Variants in RPS6KC1 observed in about 807,000 individuals in gnomAD.
The protein encoded by RPS6KC1 is inactive ribosomal protein S6 kinase delta-1.
Under a neutral mutation model 103.8 loss-of-function variants are expected in RPS6KC1, and 54 were observed. The ratio of observed to expected loss-of-function variants is 0.52; its 90% CI spans 0.42 to 0.65. RPS6KC1 has a LOEUF of 0.65. Ranked by LOEUF, RPS6KC1 falls within the 30% of genes least tolerant of loss-of-function variation. RPS6KC1 has a pLI of 0.00. For synonymous variants in RPS6KC1, 439 were observed against 438.7 expected (o/e 1.00, Z -0.01); for missense variants, 1,151 against 1,253.8 (o/e 0.92, Z 1.24).
At chr1:213,562,767 G>A in the RPS6KC1 span, among the ~76,000 whole-genome samples, 338 of 152,192 alleles carry the variant, frequency 2.2e-3, 2 homozygotes, top group African/African-American at 7.8e-3. Context: ...GGGCACAGGC[G>A]ATCCTCCCAC....
At chr1:213,233,523 G>T (rs1407900089) in intron 10 of RPS6KC1, among the ~76,000 whole-genome samples, 1 of 152,100 alleles carries the variant, frequency 6.6e-6, no homozygotes, top group Non-Finnish European at 1.5e-5. Context: ...ACCCAGTGTG[G>T]ATTATTCATG....
chr1:213,095,376 T>G lies in RPS6KC1; in HGVS notation c.263-9078T>G, dbSNP rs534733643. ...TTTAGTTCCATGAACTAGCTTTTGATGACTAACATGCATTTTAAAAAAGTT... is the reference window on the plus strand; with the variant it reads ...TTTAGTTCCATGAACTAGCTTTTGAGGACTAACATGCATTTTAAAAAAGTT... On this transcript the variant is annotated intron_variant, in intron 3 of 14. Coordinates refer to ENST00000366960, the MANE Select transcript of RPS6KC1 (RefSeq NM_012424.6). 3.3e-5 allele frequency among the ~76,000 whole-genome samples: 5 copies of G among 152,362 alleles called. No homozygotes were observed. The South Asian group carries it at 1.0e-3, about 32-fold the overall frequency.
the RPS6KC1 span, among the ~76,000 whole-genome samples, chr1:213,715,678 A>G: frequency 2.6e-5 from 4 of 152,234 alleles, no homozygotes; most frequent in African/African-American, 9.6e-5. Context: ...TTTTTCTCAA[A>G]TTGTTCAAAA....
the RPS6KC1 span, among the ~76,000 whole-genome samples, chr1:213,833,606 G>C: frequency 6.6e-6 from 1 of 152,126 alleles, no homozygotes; most frequent in Non-Finnish European, 1.5e-5. Flanking sequence ...GAGGGTCTTT[G>C]TATTTCAGAG....
At chr1:213,676,601 T>C in the RPS6KC1 span, among the ~76,000 whole-genome samples, 7 of 152,196 alleles carry the variant, frequency 4.6e-5, no homozygotes, top group Admixed American at 2.0e-4. Context: ...GTACCCTCAG[T>C]CAGCTGTTCA....
the RPS6KC1 span, among the ~76,000 whole-genome samples, chr1:213,667,804 A>G: frequency 6.6e-6 from 1 of 152,188 alleles, no homozygotes; most frequent in African/African-American, 2.4e-5. Flanking sequence ...AATATTATAA[A>G]TCCTCTGTCA....
intron 3 of RPS6KC1, among the ~76,000 whole-genome samples, chr1:213,100,678 A>G (rs1452559917): frequency 6.6e-6 from 1 of 152,088 alleles, no homozygotes; most frequent in African/African-American, 2.4e-5. Context: ...AAGTGAGAAC[A>G]TGTGGTATTT....
chr1:213,135,233 A>G (rs1211714761), intron 6 of RPS6KC1, among the ~76,000 whole-genome samples: 1 of 151,800 alleles, frequency 6.6e-6, no homozygotes, highest in East Asian at 1.9e-4. Flanking sequence ...TGCTTTTCTT[A>G]TATTGAACCA....
At chr1:213,605,584 T>C in the RPS6KC1 span, among the ~76,000 whole-genome samples, 8 of 152,222 alleles carry the variant, frequency 5.3e-5, no homozygotes, top group African/African-American at 1.9e-4. Context: ...TTATGCACTA[T>C]CTGTTTACAT....
At chr1:213,380,634 T>C in the RPS6KC1 span, among the ~76,000 whole-genome samples, 1 of 152,230 alleles carries the variant, frequency 6.6e-6, no homozygotes, top group African/African-American at 2.4e-5. Flanking sequence ...AATGTGTATA[T>C]TTATCAAATT....
the RPS6KC1 span, among the ~76,000 whole-genome samples, chr1:213,314,876 G>T: frequency 5.3e-5 from 8 of 152,036 alleles, no homozygotes; most frequent in South Asian, 2.1e-4. Context: ...CAATTCAGTC[G>T]AGAGGTGGAT....
chr1:213,366,611 A>G, the RPS6KC1 span, among the ~76,000 whole-genome samples: 2 of 152,248 alleles, frequency 1.3e-5, no homozygotes, highest in Non-Finnish European at 2.9e-5. Flanking sequence ...CTGTGTTTCA[A>G]TAAAACTTTA....
chr1:213,268,354 A>T (rs2149158958), intron 14 of RPS6KC1, among the ~76,000 whole-genome samples: 1 of 151,946 alleles, frequency 6.6e-6, no homozygotes, highest in Middle Eastern at 3.4e-3. Flanking sequence ...GTGCATAAAG[A>T]CATTCCCAAA....
At chr1:213,354,173 G>A in the RPS6KC1 span, among the ~76,000 whole-genome samples, 7 of 152,194 alleles carry the variant, frequency 4.6e-5, no homozygotes, top group Admixed American at 1.3e-4. Flanking sequence ...TAAAACAGAA[G>A]CTAATAGGAT....
chr1:213,511,829 G>A, the RPS6KC1 span, among the ~76,000 whole-genome samples: 4 of 151,860 alleles, frequency 2.6e-5, no homozygotes, highest in African/African-American at 7.3e-5. Flanking sequence ...CCCTTCCCTG[G>A]CTCTATCATT....
the RPS6KC1 span, among the ~76,000 whole-genome samples, chr1:213,582,544 A>G: frequency 2.1e-4 from 32 of 152,378 alleles, no homozygotes; most frequent in Admixed American, 2.1e-3. Context: ...AAACATTTTA[A>G]GTATGACATT....
At chr1:213,593,995 A>G in the RPS6KC1 span, among the ~76,000 whole-genome samples, 1 of 152,058 alleles carries the variant, frequency 6.6e-6, no homozygotes, top group Admixed American at 6.5e-5. Context: ...CCTACCAAGT[A>G]TCTGGGATTA....
At chr1:213,588,284 T>TA in the RPS6KC1 span, among the ~76,000 whole-genome samples, 4 of 149,400 alleles carry the variant, frequency 2.7e-5, no homozygotes, top group Non-Finnish European at 4.5e-5. Flanking sequence ...AATCACCCCC[T>TA]AAAACCTCTG....
the RPS6KC1 span, among the ~76,000 whole-genome samples, chr1:213,799,006 T>A: frequency 6.6e-6 from 1 of 152,164 alleles, no homozygotes; most frequent in Non-Finnish European, 1.5e-5. Flanking sequence ...TGACCTCAAC[T>A]AGTTTGGAGA....
Sources: gnomAD v4.1 joint callset for allele counts (sites outside exome capture counted in the v4.1 genomes callset) on GRCh38, gnomAD v4.1.1 for gene constraint, MANE v1.5 for transcripts, NCBI Gene and HGNC (gene_info 2026-07-23, HGNC 2026-07-21) for gene names.